Variants in ZNF208 observed in about 807,000 individuals in gnomAD.
The protein encoded by ZNF208 is zinc finger protein 95.
Under a neutral mutation model 12.1 loss-of-function variants are expected in ZNF208, and 10 were observed. The ratio of observed to expected loss-of-function variants is 0.83; its 90% CI spans 0.51 to 1.40. The LOEUF is 1.40. ZNF208 is among the 40% of genes most tolerant of loss of function. The pLI, the probability that ZNF208 is intolerant of heterozygous loss-of-function variation, is 0.00. For missense variants in ZNF208, 1,652 were observed against 1,485.0 expected, an observed-to-expected ratio of 1.11 and a Z score of -1.85; for synonymous variants, 497 against 488.4, an observed-to-expected ratio of 1.02 and a Z score of -0.23.
At chr19:22,009,953 A>T (rs58595526) in intron 1 of ZNF208, among the ~76,000 whole-genome samples, 4,059 of 152,242 alleles carry the variant, frequency 0.027, 120 homozygotes, top group African/African-American at 0.071. Flanking sequence ...TGGGATGCCG[A>T]GGCGGGCGGA....
rs139362188 is a variant in ZNF208 at position 21,996,255 on chromosome 19, T to C, written c.4-7346A>G. Among the ~76,000 whole-genome samples the C allele has an allele frequency of 2.8e-3, 430 of 152,122 alleles. 4 individuals are homozygous for C. The highest frequency in any genetic ancestry group is 4.9e-3 in the Non-Finnish European group (332 of 68,028). On this transcript the variant is annotated intron_variant, in intron 1 of 3. Transcript: ENST00000397126. The stretch of plus-strand genomic sequence containing the variant: ...CACTTTCATTAGCAGCACTTACAAG[T>C]GGATTTGTGAAGGCAAAAAAGAGGA...
At chr19:21,987,694 G>T (rs994542846) in intron 2 of ZNF208, among the ~76,000 whole-genome samples, 1 of 152,038 alleles carries the variant, frequency 6.6e-6, no homozygotes, top group Non-Finnish European at 1.5e-5. Flanking sequence ...GCTGCTCTCC[G>T]GTAAGTTAAA....
Position 21,956,603 on chromosome 19 carries a change from G to A in ZNF208, c.305+18126C>T, listed in dbSNP as rs560114886. Among the ~76,000 whole-genome samples the A allele has an allele frequency of 5.3e-5, 8 of 152,214 alleles. No individual in the cohort carries two copies. The South Asian group carries it at 1.4e-3, about 28-fold the overall frequency. On this transcript the variant is annotated intron_variant, in intron 4 of 4. Coordinates refer to the ZNF208 transcript ENST00000599916. ...AATCTCAGACTGCTGTGCTAGCAGT[G>A]AGTAAGGCTCCTTGGGCATGGGACC...
chr19:21,965,574 TA>T (rs948860237), downstream of ZNF208: 1 of 152,186 alleles, frequency 6.6e-6, no homozygotes, highest in Admixed American at 6.6e-5. Flanking sequence ...AAAAGTACTC[TA>T]AAAATACCTT....
intron 1 of ZNF208, among the ~76,000 whole-genome samples, chr19:21,990,789 T>C (rs1279936949): frequency 6.6e-6 from 1 of 152,118 alleles, no homozygotes; most frequent in East Asian, 1.9e-4. Context: ...CATTGAGCAG[T>C]GGTTTGTAGT....
Position 21,971,407 on chromosome 19 carries a change from G to A in ZNF208, c.3627C>T (p.Pro1209=). The A allele has an allele frequency of 6.2e-7, 1 of 1,608,848 alleles. No individual in the cohort carries two copies. The highest frequency in any genetic ancestry group is 8.5e-7 in the Non-Finnish European group (1 of 1,179,124). The part of the protein sequence containing the change: ...CEECGKAYKW[P]STLRYHKKIH... ...TTTTCTTGTGATATCTAAGGGTTGA[G>A]GGCCACTTATAGGCTTTGCCACATT... Residue 1209 remains proline, a synonymous_variant, in exon 4 of 4, where the codon CCC becomes CCT. Coordinates refer to ENST00000397126, the MANE Select transcript of ZNF208 (RefSeq NM_007153.3).
intron 3 of ZNF208, among the ~76,000 whole-genome samples, chr19:21,983,751 A>G (rs1970586206): frequency 1.3e-5 from 2 of 152,208 alleles, no homozygotes; most frequent in Admixed American, 1.3e-4. Flanking sequence ...CTAACACAAG[A>G]ACAGAAAACG....
At chr19:21,993,544 G>T (rs1970777364) in intron 1 of ZNF208, among the ~76,000 whole-genome samples, 1 of 152,036 alleles carries the variant, frequency 6.6e-6, no homozygotes, top group Non-Finnish European at 1.5e-5. Flanking sequence ...TTCCTCTCAA[G>T]CTCTAATGAG....
At chr19:21,950,646 A>G (rs1259617661) in intron 4 of ZNF208, among the ~76,000 whole-genome samples, 1 of 152,118 alleles carries the variant, frequency 6.6e-6, no homozygotes, top group Admixed American at 6.5e-5. Context: ...GGCATCTGCC[A>G]CCACACCCAG....
At chr19:21,975,152 G>A (rs1397730777) in intron 3 of ZNF208, among the ~76,000 whole-genome samples, 1 of 151,910 alleles carries the variant, frequency 6.6e-6, no homozygotes, top group Non-Finnish European at 1.5e-5. Context: ...TTCTGTTTGT[G>A]TTTTTTTGTT....
intron 4 of ZNF208, among the ~76,000 whole-genome samples, chr19:21,953,611 G>C (rs1969926876): frequency 6.6e-6 from 1 of 152,202 alleles, no homozygotes; most frequent in Non-Finnish European, 1.5e-5. Flanking sequence ...TGCAAATGCT[G>C]ACAGATTTTG....
At chr19:21,984,501 C>T (rs1337380768) in intron 3 of ZNF208, among the ~76,000 whole-genome samples, 12 of 151,970 alleles carry the variant, frequency 7.9e-5, no homozygotes, top group East Asian at 7.7e-4. Context: ...TGCAATGAGC[C>T]GAGATAATGC....
intron 4 of ZNF208, among the ~76,000 whole-genome samples, chr19:21,946,257 A>G (rs975984105): frequency 1.6e-4 from 25 of 152,190 alleles, no homozygotes; most frequent in African/African-American, 6.0e-4. Context: ...AAGCTTTTGC[A>G]TCAGCTTCTA....
downstream of ZNF208, chr19:21,965,583 C>A (rs150122092): frequency 1.1e-4 from 17 of 152,020 alleles, no homozygotes; most frequent in African/African-American, 3.9e-4. Flanking sequence ...CTAAAAATAC[C>A]TTCTGACCCA....
At chr19:22,005,356 A>G (rs1971026559) in intron 1 of ZNF208, among the ~76,000 whole-genome samples, 2 of 152,186 alleles carry the variant, frequency 1.3e-5, no homozygotes, top group African/African-American at 2.4e-5. Context: ...AGGAGATCTG[A>G]AATCAAAGAA....
chr19:21,949,825 G>T (rs1380072322), intron 4 of ZNF208, among the ~76,000 whole-genome samples: 1 of 152,198 alleles, frequency 6.6e-6, no homozygotes, highest in Non-Finnish European at 1.5e-5. Context: ...TGGCTTGCTG[G>T]TATCAAAGGC....
chr19:21,965,204 CAGAAACTATAAATTTTT>C (rs542326701), downstream of ZNF208, among the ~76,000 whole-genome samples: 1 of 151,884 alleles, frequency 6.6e-6, no homozygotes, highest in Admixed American at 6.6e-5. Context: ...TATAATAAAT[CAGAAACTATAAATTTTT>C]AGAAACTATA....
At chr19:21,965,885 AC>A (rs2145535307), downstream of ZNF208, 1 of 152,164 alleles carries the variant, frequency 6.6e-6, no homozygotes, top group South Asian at 2.1e-4. Flanking sequence ...TACAGTTAAT[AC>A]ATAAATAATA....
Position 21,982,512 on chromosome 19 carries a change from G to A in ZNF208, c.226+4704C>T, listed in dbSNP as rs550941496. On this transcript the variant is annotated intron_variant, in intron 3 of 3. Coordinates refer to ENST00000397126, the MANE Select transcript of ZNF208 (RefSeq NM_007153.3). ...TCTTCACAGAATTAGAAAAAAAACC[G>A]CTTTAAATTTCATACAGAACCAAAA... Among the ~76,000 whole-genome samples, 375 of 151,848 alleles carry A rather than the reference G, an allele frequency of 2.5e-3. 1 individual carries two copies. Among genetic ancestry groups the A allele is most frequent in the South Asian group, 0.015 (70 of 4,808 alleles).
Sources: allele counts gnomAD v4.1 joint callset (sites outside exome capture counted in the v4.1 genomes callset), GRCh38; gene constraint gnomAD v4.1.1; transcripts MANE v1.5; gene names NCBI Gene and HGNC (gene_info 2026-07-23, HGNC 2026-07-21).